PSMA1: variants seen among roughly 807,000 people sequenced by gnomAD.
The protein encoded by PSMA1 is proteasome subunit alpha type-1.
PSMA1 carries 3 observed loss-of-function variants against 38.4 expected under a neutral mutation model. That is an observed-to-expected ratio of 0.08 (90% CI 0.04 to 0.20). The LOEUF (loss-of-function observed/expected upper bound fraction) is 0.20. Ranked by LOEUF, PSMA1 falls within the 10% of genes least tolerant of loss-of-function variation. The pLI is 1.00. For missense variants in PSMA1, 227 were observed against 325.3 expected, an observed-to-expected ratio of 0.70 and a Z score of 2.32; for synonymous variants, 101 against 107.1, an observed-to-expected ratio of 0.94 and a Z score of 0.35.
intron 2 of PSMA1, among the ~76,000 whole-genome samples, chr11:14,546,650 C>T (rs1433456681): frequency 6.6e-6 from 1 of 152,158 alleles, no homozygotes; most frequent in Non-Finnish European, 1.5e-5. Context: ...GTTGGCCAGG[C>T]TGGTCTCGAA....
chr11:14,509,600 C>T (rs1047875402), intron 8 of PSMA1, among the ~76,000 whole-genome samples: 11 of 151,416 alleles, frequency 7.3e-5, no homozygotes, highest in Admixed American at 2.0e-4. Flanking sequence ...AGGGTTTCAT[C>T]GTGTTGGCCA....
At chr11:14,514,355 A>G in intron 5 of PSMA1, 48 bp downstream of exon 5, 2 of 1,547,586 alleles carry the variant, frequency 1.3e-6, no homozygotes, top group East Asian at 4.6e-5. Context: ...CACAAGTATC[A>G]AAACCCTTCA....
At chr11:14,508,563 A>AAAAAAAAAAAC (rs1029657235) in intron 8 of PSMA1, among the ~76,000 whole-genome samples, 7 of 147,692 alleles carry the variant, frequency 4.7e-5, no homozygotes, top group Non-Finnish European at 1.0e-4. Flanking sequence ...CTCCATCTCA[A>AAAAAAAAAAAC]AAAAAAAAAA....
At chr11:14,543,702 C>T (rs531513275) in intron 2 of PSMA1, among the ~76,000 whole-genome samples, 5 of 152,252 alleles carry the variant, frequency 3.3e-5, no homozygotes, top group Admixed American at 1.3e-4. Context: ...ACTTAAAGTC[C>T]TTACCAGGTA....
At chr11:14,508,649 T>C (rs893391012) in intron 8 of PSMA1, among the ~76,000 whole-genome samples, 16 of 149,302 alleles carry the variant, frequency 1.1e-4, no homozygotes, top group Non-Finnish European at 1.9e-4. Flanking sequence ...AGGTAATTCA[T>C]GTGAGAGATG....
chr11:14,520,283 G>C lies in PSMA1; in HGVS notation c.3+14C>G. 6.2e-7 allele frequency: 1 copy of C among 1,614,080 alleles called. No homozygotes were observed. The highest frequency in any genetic ancestry group is 1.1e-5 in the South Asian group (1 of 91,076). On this transcript the variant is annotated intron_variant, in intron 1 of 9. Coordinates refer to ENST00000396394, the MANE Select transcript of PSMA1 (RefSeq NM_002786.4). ...CTCTGCCCTAAACCTTCCAGAGATC[G>C]GGATTCAACGTACCATGGTGGCGGC...
rs373686735 is a variant in PSMA1, at chr11:14,510,868, T to C, written c.624+4A>G. On this transcript the variant is annotated splice_donor_region_variant and intron_variant, in intron 8 of 9. Coordinates refer to ENST00000396394, the MANE Select transcript of PSMA1 (RefSeq NM_002786.4). Reference sequence around the variant, plus strand: ...TATCTACAATTGGAAAAGACAATACTTACCTTTGTAGTCAGGTCCTGTTCT... The same window carrying C: ...TATCTACAATTGGAAAAGACAATACCTACCTTTGTAGTCAGGTCCTGTTCT... 1.4e-5 allele frequency: 23 copies of C among 1,592,666 alleles called. No individual in the cohort carries two copies. Among genetic ancestry groups the C allele is most frequent in the Non-Finnish European group, 2.0e-5 (23 of 1,167,702 alleles).
In PSMA1 at chr11:14,514,243, T is replaced by C. The variant is rs573034696; in HGVS notation, c.343+160A>G. On this transcript the variant is annotated intron_variant, in intron 5 of 9. Coordinates refer to ENST00000396394, the MANE Select transcript of PSMA1 (RefSeq NM_002786.4). ...TGGGCTTATTTGTGTCTAGCAAATA[T>C]AAATTGCTTATAAAGGCTAATGAAA... is the stretch of plus-strand genomic sequence containing the variant. 5.8e-6 allele frequency: 8 copies of C among 1,370,500 alleles called. No homozygotes were observed. The South Asian group carries it at 7.9e-5, about 14-fold the overall frequency. 84.9% of individuals were successfully genotyped at this position (1,370,500 alleles called of 1,614,324 possible). A position where few individuals can be genotyped will look rare whatever the true frequency, so the allele number is the denominator to read the frequency against.
At chr11:14,595,613 G>A (rs1852480620) in intron 2 of PSMA1, among the ~76,000 whole-genome samples, 1 of 152,056 alleles carries the variant, frequency 6.6e-6, no homozygotes, top group African/African-American at 2.4e-5. Flanking sequence ...TTGTAAATTT[G>A]TTTGAGTTCT....
chr11:14,534,266 A>G lies in PSMA1; in HGVS notation c.22-15225T>C, dbSNP rs925067957. 5.3e-5 allele frequency among the ~76,000 whole-genome samples: 8 copies of G among 152,198 alleles called. 1 individual carries two copies. The highest frequency in any genetic ancestry group is 3.9e-4 in the Admixed American group (6 of 15,278). On this transcript the variant is annotated intron_variant, in intron 2 of 10. Coordinates refer to the PSMA1 transcript ENST00000418988. This position sits in a 1 kb window ranked among gnomAD's most constrained non-coding sequence, Gnocchi z 4.5. ...TAAACTGCCACAAAAAATTTGTATC[A>G]AATTATATATGATTCTTTTTAAACC... is the stretch of plus-strand genomic sequence containing the variant.
At chr11:14,592,300 G>A (rs1002425947) in intron 2 of PSMA1, among the ~76,000 whole-genome samples, 3 of 151,254 alleles carry the variant, frequency 2.0e-5, no homozygotes, top group Non-Finnish European at 2.9e-5. Context: ...GCTCCTCCTC[G>A]TCCCTTCTAC....
At chr11:14,578,162 G>A (rs374650233) in intron 2 of PSMA1, among the ~76,000 whole-genome samples, 21 of 152,236 alleles carry the variant, frequency 1.4e-4, no homozygotes, top group African/African-American at 4.8e-4. Context: ...ACCATGGCAA[G>A]TGTATACCTT....
At chr11:14,598,120 G>A (rs753722326) in intron 2 of PSMA1, among the ~76,000 whole-genome samples, 1 of 152,138 alleles carries the variant, frequency 6.6e-6, no homozygotes, top group Non-Finnish European at 1.5e-5. Context: ...GAGACAGTTT[G>A]TTATAATTTC....
intron 1 of PSMA1, 36 bp from the exon 2 acceptor site, chr11:14,519,077 G>A (rs761267380): frequency 4.1e-6 from 6 of 1,469,308 alleles, no homozygotes; most frequent in Non-Finnish European, 5.7e-6. Flanking sequence ...GTTAATAGAA[G>A]AACATTTCAA....
At chr11:14,590,913 C>T (rs138471616) in intron 2 of PSMA1, among the ~76,000 whole-genome samples, 212 of 152,374 alleles carry the variant, frequency 1.4e-3, no homozygotes, top group East Asian at 7.1e-3. Flanking sequence ...GCTGGCAGTC[C>T]TCACAGTTCT....
chr11:14,615,780 C>T (rs1852764715), intron 1 of PSMA1, among the ~76,000 whole-genome samples: 1 of 152,056 alleles, frequency 6.6e-6, no homozygotes, highest in Admixed American at 6.6e-5. Flanking sequence ...CTTTGTATTC[C>T]AATTGTTTTA....
At chr11:14,508,568 A>AAAAAAAAAAAAAAAAAAAAAC (rs1176058061) in intron 8 of PSMA1, among the ~76,000 whole-genome samples, 2 of 149,226 alleles carry the variant, frequency 1.3e-5, no homozygotes, top group Non-Finnish European at 3.0e-5. Flanking sequence ...TCTCAAAAAA[A>AAAAAAAAAAAAAAAAAAAAAC]AAAAAAAAAC....
At chr11:14,599,821 CTG>C (rs774126845) in intron 2 of PSMA1, among the ~76,000 whole-genome samples, 2 of 152,182 alleles carry the variant, frequency 1.3e-5, no homozygotes, top group Non-Finnish European at 2.9e-5. Context: ...AGAAAAGGCA[CTG>C]TGAGTTTTAG....
At chr11:14,510,301 C>T (rs1297035235) in intron 8 of PSMA1, among the ~76,000 whole-genome samples, 3 of 152,182 alleles carry the variant, frequency 2.0e-5, no homozygotes, top group Non-Finnish European at 4.4e-5. Flanking sequence ...CTCATACTCA[C>T]TTACCTCCTT....
Sources: allele counts gnomAD v4.1 joint callset (sites outside exome capture counted in the v4.1 genomes callset), GRCh38; gene constraint gnomAD v4.1.1; non-coding constraint Gnocchi (gnomAD v3.1); transcripts MANE v1.5; gene names NCBI Gene and HGNC (gene_info 2026-07-23, HGNC 2026-07-21).